SLC71A2: variants seen among roughly 807,000 people sequenced by gnomAD.
The protein encoded by SLC71A2 is solute carrier family 71 member 2, also known as hippocampus abundant transcript-like 1.
the SLC71A2 span, chr9:94,375,051 G>A: frequency 8.7e-6 from 5 of 577,736 alleles, no homozygotes; most frequent in Non-Finnish European, 9.8e-6. Context: ...GTCCTTTTCT[G>A]GGGGGGGAGG....
the SLC71A2 span, among the ~76,000 whole-genome samples, chr9:94,393,101 TGAC>T: frequency 6.9e-6 from 1 of 145,842 alleles, no homozygotes; most frequent in African/African-American, 2.5e-5. Context: ...CCAGGGGAAA[TGAC>T]AGTCTATCTC....
the SLC71A2 span, among the ~76,000 whole-genome samples, chr9:94,409,852 A>G: frequency 2.7e-5 from 4 of 149,808 alleles, no homozygotes; most frequent in African/African-American, 4.9e-5. Context: ...AATTTATTCA[A>G]ACTTGTTTTA....
At chr9:94,442,525 A>C in the SLC71A2 span, among the ~76,000 whole-genome samples, 19,208 of 152,142 alleles carry the variant, frequency 0.13, 1,695 homozygotes, top group Non-Finnish European at 0.18. Flanking sequence ...GCTTCGAAGA[A>C]GACAAGATTT....
the SLC71A2 span, among the ~76,000 whole-genome samples, chr9:94,439,079 T>G: frequency 7.3e-6 from 1 of 137,350 alleles, no homozygotes. Flanking sequence ...TGGAGTGCAG[T>G]GGCACGATCT....
At chr9:94,443,885 C>G in the SLC71A2 span, among the ~76,000 whole-genome samples, 12 of 152,292 alleles carry the variant, frequency 7.9e-5, no homozygotes. Flanking sequence ...TCATCTGGTA[C>G]ATAGTAGATT....
the SLC71A2 span, among the ~76,000 whole-genome samples, chr9:94,453,365 G>A: frequency 5.3e-5 from 8 of 152,130 alleles, no homozygotes; most frequent in African/African-American, 1.9e-4. Context: ...GGCCAGGCTG[G>A]TCTCGAACTC....
At chr9:94,400,892 C>T in the SLC71A2 span, among the ~76,000 whole-genome samples, 2 of 152,206 alleles carry the variant, frequency 1.3e-5, no homozygotes, top group African/African-American at 4.8e-5. Flanking sequence ...CCAACTCCAG[C>T]TACCACTGAT....
At chr9:94,420,158 G>A in the SLC71A2 span, among the ~76,000 whole-genome samples, 2 of 152,108 alleles carry the variant, frequency 1.3e-5, no homozygotes, top group African/African-American at 2.4e-5. Context: ...TGTGTGTATC[G>A]TCTAGAGTCA....
chr9:94,458,306 C>G, the SLC71A2 span: 4 of 1,594,866 alleles, frequency 2.5e-6, no homozygotes, highest in Non-Finnish European at 3.4e-6. Context: ...GCATTATTTT[C>G]TTTGTTCTGA....
the SLC71A2 span, chr9:94,459,296 C>T: frequency 6.2e-7 from 1 of 1,614,194 alleles, no homozygotes; most frequent in East Asian, 2.2e-5. Flanking sequence ...CAGCGGCAGC[C>T]TGACCAACAC....
the SLC71A2 span, chr9:94,415,291 A>G: frequency 2.8e-6 from 4 of 1,442,606 alleles, no homozygotes; most frequent in East Asian, 2.3e-5. Flanking sequence ...TTTGTAAGAG[A>G]AAGAGATAAG....
At chr9:94,451,296 T>C in the SLC71A2 span, among the ~76,000 whole-genome samples, 1 of 152,226 alleles carries the variant, frequency 6.6e-6, no homozygotes, top group East Asian at 1.9e-4. Context: ...ACATCAGTTT[T>C]AGATATAAAT....
the SLC71A2 span, among the ~76,000 whole-genome samples, chr9:94,390,233 C>T: frequency 1.3e-5 from 2 of 150,672 alleles, no homozygotes; most frequent in Admixed American, 6.6e-5. Flanking sequence ...TAAAGGTTCT[C>T]GTTTGTGTGA....
chr9:94,421,504 A>C, the SLC71A2 span, among the ~76,000 whole-genome samples: 1 of 152,126 alleles, frequency 6.6e-6, no homozygotes, highest in Non-Finnish European at 1.5e-5. Context: ...AGATTAATCC[A>C]TGTTGTATGT....
chr9:94,428,272 CTG>C, the SLC71A2 span, among the ~76,000 whole-genome samples: 17 of 150,848 alleles, frequency 1.1e-4, no homozygotes, highest in Admixed American at 4.0e-4. Flanking sequence ...GTCTGTATCT[CTG>C]TGACTTACAT....
the SLC71A2 span, among the ~76,000 whole-genome samples, chr9:94,388,636 A>G: frequency 6.6e-6 from 1 of 152,044 alleles, no homozygotes; most frequent in East Asian, 1.9e-4. Context: ...CGGCTACACA[A>G]CTTTTATCAC....
At chr9:94,407,488 C>T in the SLC71A2 span, among the ~76,000 whole-genome samples, 18 of 151,524 alleles carry the variant, frequency 1.2e-4, no homozygotes, top group Non-Finnish European at 1.9e-4. Flanking sequence ...AAGCAATTTT[C>T]TGGCCTCCGT....
the SLC71A2 span, among the ~76,000 whole-genome samples, chr9:94,456,826 TTAAAA>T: frequency 2.0e-5 from 3 of 152,044 alleles, no homozygotes; most frequent in Non-Finnish European, 2.9e-5. Flanking sequence ...AGAGATGAAA[TTAAAA>T]TTAAGACTGC....
the SLC71A2 span, chr9:94,458,379 C>T: frequency 6.2e-7 from 1 of 1,613,842 alleles, no homozygotes; most frequent in East Asian, 2.2e-5. Flanking sequence ...CTGGGGCCAG[C>T]ACTGTATGGC....
Sources: gnomAD v4.1 joint callset for allele counts (sites outside exome capture counted in the v4.1 genomes callset) on GRCh38, gnomAD v4.1.1 for gene constraint, MANE v1.5 for transcripts, NCBI Gene and HGNC (gene_info 2026-07-23, HGNC 2026-07-21) for gene names.